The following KCTD16 variants were observed in gnomAD, a reference collection of about 807,000 sequenced individuals.
The protein encoded by KCTD16 is BTB/POZ domain-containing protein KCTD16.
Under a neutral mutation model 33.2 loss-of-function variants are expected in KCTD16, and 13 were observed. The ratio of observed to expected loss-of-function variants is 0.39; its 90% CI spans 0.25 to 0.62. The LOEUF is 0.62. Among genes scored for constraint, KCTD16 ranks in the 20% least tolerant of loss-of-function variants. The pLI, the probability that KCTD16 is intolerant of heterozygous loss-of-function variation, is 0.50. For missense variants in KCTD16, 441 were observed against 525.1 expected (o/e 0.84, Z 1.57); for synonymous variants, 197 against 195.3 (o/e 1.01, Z -0.07).
intron 3 of KCTD16, among the ~76,000 whole-genome samples, chr5:144,232,718 G>C (rs1038092033): frequency 6.6e-6 from 1 of 152,026 alleles, no homozygotes; most frequent in African/African-American, 2.4e-5. Flanking sequence ...ATTTAATTTT[G>C]TTTTATAATA....
At chr5:144,405,218 C>G (rs1426041047) in intron 3 of KCTD16, among the ~76,000 whole-genome samples, 1 of 152,164 alleles carries the variant, frequency 6.6e-6, no homozygotes, top group Non-Finnish European at 1.5e-5. Context: ...AATTAACAAT[C>G]CATGTTAAAT....
At chr5:144,345,390 C>A (rs1434302424) in intron 3 of KCTD16, among the ~76,000 whole-genome samples, 1 of 151,994 alleles carries the variant, frequency 6.6e-6, no homozygotes, top group Admixed American at 6.6e-5. Flanking sequence ...GCAGAAAATG[C>A]AGTACAACAT....
rs57722710 is a variant in KCTD16 at position 144,402,420 on chromosome 5, C to T, written c.833-71240C>T. 9.9e-3 allele frequency among the ~76,000 whole-genome samples: 1,509 copies of T among 152,136 alleles called. 17 individuals carry two copies. Among genetic ancestry groups the T allele is most frequent in the African/African-American group, 0.031 (1,272 of 41,480 alleles). On this transcript the variant is annotated intron_variant, in intron 3 of 3. Transcript: ENST00000512467. The stretch of plus-strand genomic sequence containing the variant: ...GTAGGCCAGGCTTTCTGTCCTGTGT[C>T]GAGTGAGGTCGTCTACCTCACTGCA...
intron 3 of KCTD16, among the ~76,000 whole-genome samples, chr5:144,292,427 T>C (rs1446198626): frequency 6.6e-6 from 1 of 152,076 alleles, no homozygotes; most frequent in African/African-American, 2.4e-5. Context: ...ATGTAAGAGA[T>C]GAGGAGGCCA....
chr5:144,432,094 C>T (rs1282382845), intron 3 of KCTD16, among the ~76,000 whole-genome samples: 1 of 152,240 alleles, frequency 6.6e-6, no homozygotes, highest in Admixed American at 6.5e-5. Flanking sequence ...ATGCACCTTG[C>T]AAACAGATGC....
intron 3 of KCTD16, among the ~76,000 whole-genome samples, chr5:144,442,903 G>A (rs1753744706): frequency 6.6e-6 from 1 of 152,008 alleles, no homozygotes; most frequent in Admixed American, 6.6e-5. Flanking sequence ...TGTTGTTGTT[G>A]TTGTTGTTTT....
intron 3 of KCTD16, among the ~76,000 whole-genome samples, chr5:144,422,609 C>T (rs1473213613): frequency 6.6e-6 from 1 of 152,082 alleles, no homozygotes; most frequent in Non-Finnish European, 1.5e-5. Context: ...CAGCAAAAGT[C>T]AAATTTTCTC....
intron 3 of KCTD16, among the ~76,000 whole-genome samples, chr5:144,393,235 C>T (rs1381280699): frequency 6.6e-6 from 1 of 152,082 alleles, no homozygotes; most frequent in Non-Finnish European, 1.5e-5. Flanking sequence ...ATATCAATAT[C>T]CTGGTCTTTC....
intron 3 of KCTD16, among the ~76,000 whole-genome samples, chr5:144,405,181 A>C (rs1752784819): frequency 1.3e-5 from 2 of 152,248 alleles, no homozygotes; most frequent in Admixed American, 1.3e-4. Context: ...CTAAGCTTTA[A>C]ATCATCTTAT....
intron 3 of KCTD16, among the ~76,000 whole-genome samples, chr5:144,396,272 T>G (rs1255129311): frequency 6.6e-6 from 1 of 152,180 alleles, no homozygotes; most frequent in Non-Finnish European, 1.5e-5. Flanking sequence ...GATATTTCCT[T>G]TACAAATTCT....
intron 3 of KCTD16, among the ~76,000 whole-genome samples, chr5:144,213,956 T>C (rs940180509): frequency 3.9e-5 from 6 of 152,196 alleles, no homozygotes; most frequent in African/African-American, 1.4e-4. Context: ...CAGTGGGCCC[T>C]GTTGACTATG....
At position 144,297,524 on chromosome 5, in the gene KCTD16, A is replaced by T. The variant is rs189347745; in HGVS notation, c.832+89978A>T. Among the ~76,000 whole-genome samples the T allele has an allele frequency of 1.9e-4, 29 of 152,352 alleles. 1 individual carries two copies. The highest frequency in any genetic ancestry group is 1.5e-3 in the Admixed American group (23 of 15,302). ...ATATGTTGCAGAAGAATTGTACTTC[A>T]GTAGGTCTCCTTTTAATATGGAGTA... On this transcript the variant is annotated intron_variant, in intron 3 of 3. Coordinates refer to ENST00000512467, the MANE Select transcript of KCTD16 (RefSeq NM_020768.4).
intron 3 of KCTD16, among the ~76,000 whole-genome samples, chr5:144,327,051 T>C (rs1211533032): frequency 1.3e-5 from 2 of 152,252 alleles, no homozygotes; most frequent in Middle Eastern, 3.4e-3. Flanking sequence ...TTGGAACTTA[T>C]TGGTGTGGAA....
intron 3 of KCTD16, among the ~76,000 whole-genome samples, chr5:144,369,053 A>G (rs1751902661): frequency 1.3e-5 from 2 of 152,162 alleles, no homozygotes; most frequent in South Asian, 2.1e-4. Flanking sequence ...CCATTATGCC[A>G]GGTATATAAT....
At chr5:144,335,623 G>A (rs537242109) in intron 3 of KCTD16, among the ~76,000 whole-genome samples, 1 of 152,316 alleles carries the variant, frequency 6.6e-6, no homozygotes, top group East Asian at 1.9e-4. Context: ...GTGGGGTCTG[G>A]GACAGGTGCT....
chr5:144,418,973 A>G (rs183475873), intron 3 of KCTD16, among the ~76,000 whole-genome samples: 215 of 152,172 alleles, frequency 1.4e-3, no homozygotes, highest in African/African-American at 5.0e-3. Context: ...TGCTTATTCC[A>G]CCAAGCCACA....
intron 3 of KCTD16, among the ~76,000 whole-genome samples, chr5:144,212,304 C>G (rs1198847021): frequency 6.6e-6 from 1 of 152,122 alleles, no homozygotes; most frequent in Non-Finnish European, 1.5e-5. Flanking sequence ...GTTTTCACTT[C>G]TATGCCAAGC....
At chr5:144,418,114 G>A (rs1310138609) in intron 3 of KCTD16, among the ~76,000 whole-genome samples, 3 of 152,226 alleles carry the variant, frequency 2.0e-5, no homozygotes, top group Non-Finnish European at 4.4e-5. Flanking sequence ...CTGGTGGGTT[G>A]GTAGGTTCTC....
chr5:144,352,123 T>C (rs1390741659), intron 3 of KCTD16, among the ~76,000 whole-genome samples: 1 of 152,222 alleles, frequency 6.6e-6, no homozygotes, highest in Non-Finnish European at 1.5e-5. Context: ...CAAAACATCA[T>C]GTTGTATACA....
Sources: allele counts gnomAD v4.1 joint callset (sites outside exome capture counted in the v4.1 genomes callset), GRCh38; gene constraint gnomAD v4.1.1; transcripts MANE v1.5; gene names NCBI Gene and HGNC (gene_info 2026-07-23, HGNC 2026-07-21).